Variants in RASGRP3 observed in about 807,000 individuals in gnomAD.
RASGRP3 encodes ras guanyl-releasing protein 3.
RASGRP3 carries 54 observed loss-of-function variants against 82.7 expected under a neutral mutation model. That is an observed-to-expected ratio of 0.65 (90% CI 0.52 to 0.82). The LOEUF (loss-of-function observed/expected upper bound fraction) is 0.82, where lower values mean the gene tolerates loss of function less well. Ranked by LOEUF, RASGRP3 falls within the 40% of genes least tolerant of loss-of-function variation. RASGRP3 has a pLI of 0.00. For synonymous variants in RASGRP3, 309 were observed against 300.5 expected, an observed-to-expected ratio of 1.03 and a Z score of -0.29; for missense variants, 861 against 828.9, an observed-to-expected ratio of 1.04 and a Z score of -0.48.
chr2:33,540,552 TGTTTTGTGTG>T (rs1236933189), intron 12 of RASGRP3, among the ~76,000 whole-genome samples: 4 of 30,326 alleles, frequency 1.3e-4, no homozygotes, highest in African/African-American at 6.7e-4. Context: ...TCTGTGTGTG[TGTTTTGTGTG>T]TGTGTGTGTG....
chr2:33,532,719 GTTTTA>G (rs1673222544), intron 10 of RASGRP3: 1 of 152,106 alleles, frequency 6.6e-6, no homozygotes, highest in Admixed American at 6.5e-5. Flanking sequence ...AGTTAAGTCG[GTTTTA>G]TTTTGTTTAG....
chr2:33,462,874 A>G (rs1191366564), intron 2 of RASGRP3, among the ~76,000 whole-genome samples: 1 of 152,260 alleles, frequency 6.6e-6, no homozygotes, highest in Non-Finnish European at 1.5e-5. Context: ...AAAGGAAATC[A>G]TAATTCTGAA....
At chr2:33,473,368 G>A (rs1326106237), upstream of RASGRP3, among the ~76,000 whole-genome samples, 1 of 149,970 alleles carries the variant, frequency 6.7e-6, no homozygotes, top group Non-Finnish European at 1.5e-5. Context: ...GGGCAACACA[G>A]TGAGACTCCG....
At chr2:33,444,872 G>A (rs1665421315) in intron 1 of RASGRP3, among the ~76,000 whole-genome samples, 1 of 152,172 alleles carries the variant, frequency 6.6e-6, no homozygotes, top group Admixed American at 6.5e-5. Flanking sequence ...ATGTTTTGAA[G>A]TGAATTTTAG....
At chr2:33,546,663 C>T (rs879581159) in intron 13 of RASGRP3, among the ~76,000 whole-genome samples, 8 of 152,122 alleles carry the variant, frequency 5.3e-5, no homozygotes, top group Non-Finnish European at 1.0e-4. Flanking sequence ...GTGTTCATTG[C>T]AGCACTATTC....
At chr2:33,445,585 C>T (rs573782510) in intron 1 of RASGRP3, among the ~76,000 whole-genome samples, 3 of 152,078 alleles carry the variant, frequency 2.0e-5, no homozygotes, top group South Asian at 4.2e-4. Context: ...TAAAATGCCA[C>T]GTATCTACAA....
At chr2:33,558,162 A>T in intron 15 of RASGRP3, 49 bp from the exon 16 acceptor site, 1 of 1,586,254 alleles carries the variant, frequency 6.3e-7, no homozygotes. Flanking sequence ...TGGAAACTGA[A>T]TCAACATCAG....
chr2:33,461,371 C>T (rs1278682341), intron 2 of RASGRP3, among the ~76,000 whole-genome samples: 2 of 152,302 alleles, frequency 1.3e-5, no homozygotes, highest in South Asian at 2.1e-4. Flanking sequence ...CTCCATCTCC[C>T]GGGTTCAAGT....
At chr2:33,525,106 A>AT (rs1440403155) in intron 9 of RASGRP3, among the ~76,000 whole-genome samples, 64 of 149,192 alleles carry the variant, frequency 4.3e-4, no homozygotes, top group Admixed American at 1.7e-3. Flanking sequence ...AAAAAAAAAA[A>AT]AAAAAACTCA....
In RASGRP3 at chr2:33,527,336, C is replaced by G. The variant is rs1458697352; in HGVS notation, c.1007C>G (p.Thr336Ser). 6.2e-7 allele frequency: 1 copy of G among 1,613,700 alleles called. No individual in the cohort carries two copies. The highest frequency in any genetic ancestry group is 8.5e-7 in the Non-Finnish European group (1 of 1,179,726). ...NIVKMHQLSV[T>S]LSELVSLQNA... ...GTGAAAATGCACCAGCTCTCCGTTA[C>G]CCTGAGTGAACTAGTCTCCCTGCAG... Residue 336 changes from threonine (T) to serine (S), a missense_variant, in exon 10 of 18, where the codon ACC becomes AGC. Coordinates refer to ENST00000403687, the MANE Select transcript of RASGRP3 (RefSeq NM_001139488.2).
At chr2:33,530,497 C>CATTT (rs1491365740) in intron 10 of RASGRP3, among the ~76,000 whole-genome samples, 14 of 117,080 alleles carry the variant, frequency 1.2e-4, no homozygotes, top group African/African-American at 3.5e-4. Flanking sequence ...CTGCCCCTTC[C>CATTT]TTTTTTTTTT....
intron 2 of RASGRP3, among the ~76,000 whole-genome samples, chr2:33,461,749 A>G (rs1183956232): frequency 6.6e-6 from 1 of 152,272 alleles, no homozygotes; most frequent in African/African-American, 2.4e-5. Flanking sequence ...AGTTTTCTAC[A>G]CACAAAGTTA....
intron 2 of RASGRP3, among the ~76,000 whole-genome samples, chr2:33,462,355 G>A (rs1269159372): frequency 1.3e-5 from 2 of 151,052 alleles, no homozygotes; most frequent in South Asian, 2.1e-4. Flanking sequence ...GAGAACAAGA[G>A]GATGTAGAGG....
At chr2:33,515,691 A>G (rs1671393447) in intron 3 of RASGRP3, among the ~76,000 whole-genome samples, 2 of 152,196 alleles carry the variant, frequency 1.3e-5, no homozygotes, top group Non-Finnish European at 2.9e-5. Context: ...TACATTCTAC[A>G]TTCATACACG....
At chr2:33,486,057 A>G (rs986845006) in intron 1 of RASGRP3, among the ~76,000 whole-genome samples, 1 of 152,212 alleles carries the variant, frequency 6.6e-6, no homozygotes, top group Non-Finnish European at 1.5e-5. Context: ...AGAATACAGG[A>G]TTTCCATGTA....
At chr2:33,511,249 G>A (rs899632368) in intron 1 of RASGRP3, among the ~76,000 whole-genome samples, 3 of 152,070 alleles carry the variant, frequency 2.0e-5, no homozygotes, top group South Asian at 2.1e-4. Context: ...AGTTCTTAAG[G>A]CCCCATTGGG....
intron 1 of RASGRP3, among the ~76,000 whole-genome samples, chr2:33,485,465 T>C (rs1012138338): frequency 6.6e-6 from 1 of 152,206 alleles, no homozygotes; most frequent in African/African-American, 2.4e-5. Context: ...TTTGGCAGGG[T>C]GCTACTGCAG....
chr2:33,443,752 G>A (rs918107973), intron 1 of RASGRP3, among the ~76,000 whole-genome samples: 4 of 147,544 alleles, frequency 2.7e-5, no homozygotes, highest in African/African-American at 7.5e-5. Flanking sequence ...ATGGTGGTAC[G>A]TGCTTATAGT....
At chr2:33,530,376 T>C (rs957956941) in intron 10 of RASGRP3, among the ~76,000 whole-genome samples, 1 of 152,190 alleles carries the variant, frequency 6.6e-6, no homozygotes, top group African/African-American at 2.4e-5. Flanking sequence ...TTTAACTTTC[T>C]GTAATAGTTA....
Sources: gnomAD v4.1 joint callset for allele counts (sites outside exome capture counted in the v4.1 genomes callset) on GRCh38, gnomAD v4.1.1 for gene constraint, MANE v1.5 for transcripts, NCBI Gene and HGNC (gene_info 2026-07-23, HGNC 2026-07-21) for gene names.